DNAH5: variants seen among roughly 807,000 people sequenced by gnomAD.
DNAH5 encodes the protein dynein axonemal heavy chain 5, also known as axonemal beta dynein heavy chain 5.
Under a neutral mutation model 518.2 loss-of-function variants are expected in DNAH5, and 372 were observed. The observed-to-expected ratio is 0.72, with a 90% CI of 0.66 to 0.78. The LOEUF (loss-of-function observed/expected upper bound fraction) is 0.78. Ranked by LOEUF, DNAH5 falls within the 30% of genes least tolerant of loss-of-function variation. The pLI is 0.00. For missense variants in DNAH5, 5,523 were observed against 5,687.0 expected (o/e 0.97, Z 0.93); for synonymous variants, 2,039 against 2,025.9 (o/e 1.01, Z -0.17).
chr5:13,713,126 C>T (rs762795929), intron 75 of DNAH5, among the ~76,000 whole-genome samples: 53 of 126,590 alleles, frequency 4.2e-4, no homozygotes, highest in East Asian at 3.1e-3. Flanking sequence ...TATATATATA[C>T]ACACACACTG....
At chr5:13,810,001 G>T (rs1014053047) in intron 45 of DNAH5, 58 bp downstream of exon 45, 5 of 1,440,972 alleles carry the variant, frequency 3.5e-6, no homozygotes, top group Non-Finnish European at 4.8e-6. Context: ...TGTAAATATT[G>T]GCCATGTAGG....
Position 13,994,140 on chromosome 5 carries a change from G to A in DNAH5, c.12+17508C>T, listed in dbSNP as rs983650029. Among the ~76,000 whole-genome samples the A allele has an allele frequency of 5.3e-5, 8 of 152,048 alleles. No homozygotes were observed. In the East Asian group the frequency reaches 9.6e-4, roughly 18 times the overall value. ...CAGGCTTCCCACTGCACTTCCTCCCGCACGCCTCCACCTCTCTGCCTCTCA... is the reference window on the plus strand; with the variant it reads ...CAGGCTTCCCACTGCACTTCCTCCCACACGCCTCCACCTCTCTGCCTCTCA... On this transcript the variant is annotated intron_variant, in intron 1 of 78. Coordinates refer to the DNAH5 transcript ENST00000681290.
At chr5:13,804,650 C>T (rs1759296166) in intron 47 of DNAH5, among the ~76,000 whole-genome samples, 1 of 152,210 alleles carries the variant, frequency 6.6e-6, no homozygotes, top group South Asian at 2.1e-4. Context: ...TCCTGTGATG[C>T]TTCTGAACAG....
At chr5:13,778,653 T>A (rs780387641) in intron 53 of DNAH5, among the ~76,000 whole-genome samples, 1 of 151,982 alleles carries the variant, frequency 6.6e-6, no homozygotes, top group Non-Finnish European at 1.5e-5. Context: ...ACCCAGCTTC[T>A]TGTGATATGG....
intron 50 of DNAH5, among the ~76,000 whole-genome samples, chr5:13,789,576 A>G (rs1424465564): frequency 6.6e-6 from 1 of 152,242 alleles, no homozygotes; most frequent in Non-Finnish European, 1.5e-5. Context: ...TTTTCAGGTT[A>G]CAGATTTTTA....
chr5:13,785,571 G>A (rs1274514714), intron 52 of DNAH5, among the ~76,000 whole-genome samples: 3 of 152,096 alleles, frequency 2.0e-5, no homozygotes, highest in African/African-American at 7.2e-5. Flanking sequence ...ATATCATTAA[G>A]TACATTTACA....
intron 29 of DNAH5, among the ~76,000 whole-genome samples, chr5:13,861,451 T>C (rs1295067421): frequency 2.0e-5 from 3 of 152,208 alleles, no homozygotes; most frequent in Non-Finnish European, 4.4e-5. Flanking sequence ...TGGGTGATAT[T>C]TTAAAGCTAG....
At chr5:13,848,206 TCC>T (rs1766313270) in intron 31 of DNAH5, among the ~76,000 whole-genome samples, 1 of 152,244 alleles carries the variant, frequency 6.6e-6, no homozygotes, top group African/African-American at 2.4e-5. Flanking sequence ...AACTCATTAA[TCC>T]CTAAGACTCC....
chr5:13,911,094 C>T (rs995143303), intron 12 of DNAH5, among the ~76,000 whole-genome samples: 1 of 152,166 alleles, frequency 6.6e-6, no homozygotes, highest in African/African-American at 2.4e-5. Context: ...ACATTCCAAT[C>T]GTGCCGCAAT....
chr5:13,810,217 A>G lies in DNAH5; in HGVS notation c.7451T>C (p.Phe2484Ser), dbSNP rs1206949465. 4 of 1,550,576 alleles carry G rather than the reference A, an allele frequency of 2.6e-6. No homozygotes were observed. Among genetic ancestry groups the G allele is most frequent in the Non-Finnish European group, 3.5e-6 (4 of 1,146,912 alleles). ...CGCGCTCCACAGCAGCGCGAACACG[A>G]ACAGCCGCCCCAGGTGAGCCTGGCT... is the stretch of plus-strand genomic sequence containing the variant. Reference protein sequence around the residue: ...EVSQAHLGRLFVFALLWSAGA... With the variant: ...EVSQAHLGRLSVFALLWSAGA... The change falls in exon 45 of 79, where the codon TTC becomes TCC. Residue 2484 changes from phenylalanine to serine, a missense_variant. Physicochemically the swap from Phe to Ser is radical, Grantham distance 155. Transcript: ENST00000265104.
intron 3 of DNAH5, among the ~76,000 whole-genome samples, 161 bp from the exon 4 acceptor site, chr5:13,923,601 G>T (rs1039020660): frequency 6.6e-6 from 1 of 152,144 alleles, no homozygotes; most frequent in African/African-American, 2.4e-5. Flanking sequence ...GCCGTACAGG[G>T]ATCTTAAAAA....
rs7728234 is a variant in DNAH5, at chr5:13,766,789, G to T, written c.9898-610C>A. 2.9e-3 allele frequency among the ~76,000 whole-genome samples: 441 copies of T among 152,248 alleles called. 3 individuals carry two copies. Among genetic ancestry groups the T allele is most frequent in the African/African-American group, 0.01 (424 of 41,554 alleles). On this transcript the variant is annotated intron_variant, in intron 58 of 78. Coordinates refer to ENST00000265104, the MANE Select transcript of DNAH5 (RefSeq NM_001369.3). Reference sequence around the variant, plus strand: ...GTATGTATACACTTATAGAGTAAATGATTTAATAGTCACATACACCTGTTT... The same window carrying T: ...GTATGTATACACTTATAGAGTAAATTATTTAATAGTCACATACACCTGTTT...
At chr5:13,952,586 C>T (rs1780500388) in intron 1 of DNAH5, among the ~76,000 whole-genome samples, 1 of 152,194 alleles carries the variant, frequency 6.6e-6, no homozygotes, top group African/African-American at 2.4e-5. Flanking sequence ...TTACCCATGA[C>T]TGTATTTCTG....
chr5:13,976,077 G>A (rs1407284342), intron 1 of DNAH5, among the ~76,000 whole-genome samples: 1 of 152,232 alleles, frequency 6.6e-6, no homozygotes, highest in Non-Finnish European at 1.5e-5. Context: ...GAGAGATACA[G>A]TGTGAGACAT....
rs71600031 is a variant in DNAH5, at chr5:13,886,135, CAAAA to C, written c.2578-10_2578-7del. Reference sequence around the variant, plus strand: ...GCACCATTTACACAAAGATCCTAACCAAAAAAAAAAAAAAAAAAAGATAGCACAG... The same window carrying C: ...GCACCATTTACACAAAGATCCTAACCAAAAAAAAAAAAAAAGATAGCACAG... On this transcript the variant is annotated splice_polypyrimidine_tract_variant and splice_region_variant and intron_variant, in intron 17 of 78. Coordinates refer to ENST00000265104, the MANE Select transcript of DNAH5 (RefSeq NM_001369.3). 31,111 of 1,316,524 alleles carry C rather than the reference CAAAA, an allele frequency of 0.024. 14 individuals are homozygous for C. Among genetic ancestry groups the C allele is most frequent in the Middle Eastern group, 0.03 (112 of 3,696 alleles). The allele number at this position is 1,316,524 out of a possible 1,614,324, so 81.6% of individuals were successfully genotyped here. A position where few individuals can be genotyped will look rare whatever the true frequency, so the allele number is the denominator to read the frequency against.
rs1009322086 is a variant in DNAH5 at position 13,923,201 on chromosome 5, G to A, written c.438+79C>T. On this transcript the variant is annotated intron_variant, in intron 4 of 78. Coordinates refer to ENST00000265104, the MANE Select transcript of DNAH5 (RefSeq NM_001369.3). ...AGATACTGTAGTGAATACAATGATT[G>A]TCTCCACCAGAGGAATATTTGTGTG... 4.5e-6 allele frequency: 7 copies of A among 1,563,504 alleles called. No individual in the cohort carries two copies. The African/African-American group carries it at 6.8e-5, about 15-fold the overall frequency.
chr5:13,969,790 G>A (rs934272784), intron 1 of DNAH5, among the ~76,000 whole-genome samples: 5 of 152,114 alleles, frequency 3.3e-5, no homozygotes, highest in Non-Finnish European at 4.4e-5. Flanking sequence ...TGTAGTTGTT[G>A]GGTAGAATGT....
At chr5:13,906,567 T>A (rs542328999) in intron 12 of DNAH5, among the ~76,000 whole-genome samples, 37 of 152,242 alleles carry the variant, frequency 2.4e-4, no homozygotes, top group Middle Eastern at 3.4e-3. Context: ...CATCTACAAA[T>A]CTTAACTACG....
chr5:13,913,614 G>A (rs1776284441), intron 11 of DNAH5, 129 bp downstream of exon 11: 1 of 1,081,330 alleles, frequency 9.2e-7, no homozygotes, highest in Non-Finnish European at 1.3e-6. Flanking sequence ...ATTGTTAAAA[G>A]GCCATGAGAT....
Sources: gnomAD v4.1 joint callset for allele counts (sites outside exome capture counted in the v4.1 genomes callset) on GRCh38, gnomAD v4.1.1 for gene constraint, MANE v1.5 for transcripts, NCBI Gene and HGNC (gene_info 2026-07-23, HGNC 2026-07-21) for gene names.